The following MCF2L2 variants were observed in gnomAD, a reference collection of about 807,000 sequenced individuals.
The protein encoded by MCF2L2 is MCF.2 cell line derived transforming sequence-like 2.
MCF2L2 carries 102 observed loss-of-function variants against 150.2 expected under a neutral mutation model. That is an observed-to-expected ratio of 0.68 (90% CI 0.58 to 0.80). The LOEUF (loss-of-function observed/expected upper bound fraction) is 0.80, where lower values mean the gene tolerates loss of function less well. MCF2L2 is among the 30% of genes least tolerant of loss of function. The pLI, the probability that MCF2L2 is intolerant of heterozygous loss-of-function variation, is 0.00. For synonymous variants in MCF2L2, 465 were observed against 491.3 expected (o/e 0.95, Z 0.71); for missense variants, 1,256 against 1,372.8 (o/e 0.91, Z 1.34).
At chr3:183,351,234 A>ATATATATTTATT (rs1553786140) in intron 3 of MCF2L2, among the ~76,000 whole-genome samples, 3 of 60,450 alleles carry the variant, frequency 5.0e-5, no homozygotes, top group Non-Finnish European at 5.8e-5. Flanking sequence ...ATATATATAT[A>ATATATATTTATT]TATTTATTTA....
At chr3:183,335,861 T>C (rs4859110) in intron 5 of MCF2L2, among the ~76,000 whole-genome samples, 39,205 of 151,712 alleles carry the variant, frequency 0.26, 7,241 homozygotes, top group African/African-American at 0.52. Context: ...ACCCCATCTC[T>C]AAAATCAAAA....
intron 1 of MCF2L2, among the ~76,000 whole-genome samples, chr3:183,396,069 T>C (rs1207372533): frequency 6.7e-6 from 1 of 150,224 alleles, no homozygotes; most frequent in Non-Finnish European, 1.5e-5. Flanking sequence ...CATGAACATA[T>C]GTATTAAAGA....
At chr3:183,351,181 T>G (rs1731100034) in intron 3 of MCF2L2, among the ~76,000 whole-genome samples, 1 of 132,542 alleles carries the variant, frequency 7.5e-6, no homozygotes, top group Non-Finnish European at 1.6e-5. Context: ...GTGATATTTA[T>G]TTTCTTAAGT....
chr3:183,277,649 T>C (rs975092751), intron 14 of MCF2L2, among the ~76,000 whole-genome samples: 1 of 151,192 alleles, frequency 6.6e-6, no homozygotes, highest in African/African-American at 2.4e-5. Flanking sequence ...GGCAATCTTA[T>C]ATTCCAAATA....
Position 183,179,659 on chromosome 3 carries a change from C to T in MCF2L2, c.3139G>A (p.Glu1047Lys), listed in dbSNP as rs1398546010. The T allele has an allele frequency of 1.2e-6, 2 of 1,614,118 alleles. No homozygotes were observed. The highest frequency in any genetic ancestry group is 8.5e-7 in the Non-Finnish European group (1 of 1,179,982). The change falls in exon 29 of 30, where the codon GAA becomes AAA. Residue 1047 changes from glutamate (E) to lysine (K), a missense_variant. Glu to Lys is a moderately conservative substitution (Grantham distance 56, BLOSUM62 1). Transcript: ENST00000328913. This position sits in a 1 kb window ranked among gnomAD's most constrained non-coding sequence, Gnocchi z 4.2. ...AGLFQSDDSH[E>K]TCSSKSAFLE... The stretch of plus-strand genomic sequence containing the variant: ...AAAGCAGATTTGGAGGAACAGGTTT[C>T]GTGACTGTCGTCCGACTGGAAAAGG...
chr3:183,313,588 G>C (rs984491329), intron 7 of MCF2L2, among the ~76,000 whole-genome samples: 3 of 152,156 alleles, frequency 2.0e-5, no homozygotes, highest in Non-Finnish European at 2.9e-5. Context: ...GAGCAACTAC[G>C]GTACTTGGAA....
At chr3:183,284,923 G>A (rs905539299) in intron 14 of MCF2L2, among the ~76,000 whole-genome samples, 1 of 152,168 alleles carries the variant, frequency 6.6e-6, no homozygotes, top group African/African-American at 2.4e-5. Flanking sequence ...CTCTGACACT[G>A]ACTAGACTTC....
intron 3 of MCF2L2, among the ~76,000 whole-genome samples, chr3:183,370,373 G>A (rs1178571981): frequency 1.3e-5 from 2 of 152,256 alleles, no homozygotes; most frequent in Non-Finnish European, 2.9e-5. Context: ...GTGGGGCATC[G>A]GGCAAGGCCC....
At chr3:183,307,472 T>C (rs1333643368) in intron 10 of MCF2L2, among the ~76,000 whole-genome samples, 1 of 152,170 alleles carries the variant, frequency 6.6e-6, no homozygotes, top group East Asian at 1.9e-4. Flanking sequence ...GATCTGCAAG[T>C]CATAGGATGT....
chr3:183,288,508 G>A (rs1379415794), intron 14 of MCF2L2, among the ~76,000 whole-genome samples: 2 of 140,578 alleles, frequency 1.4e-5, no homozygotes, highest in South Asian at 2.2e-4. Flanking sequence ...TTGAGACATA[G>A]TTTCGCTCTG....
chr3:183,371,786 G>C (rs1712901111), intron 3 of MCF2L2, among the ~76,000 whole-genome samples: 1 of 151,846 alleles, frequency 6.6e-6, no homozygotes, highest in Admixed American at 6.6e-5. Context: ...CCTCTGATTA[G>C]CCTTTTACAC....
In MCF2L2 at chr3:183,179,478, G is replaced by A. The variant is rs750149922; in HGVS notation, c.3247C>T (p.Arg1083Cys). ...AGCCGGCCCGTGGACGCCCCAGCGCGCTCCTCCTCGGTGCTGCGGGTCGCC... is the reference window on the plus strand; with the variant it reads ...AGCCGGCCCGTGGACGCCCCAGCGCACTCCTCCTCGGTGCTGCGGGTCGCC... ...ETATRSTEEERAGASTGRLAP... is the reference protein window; with the variant it reads ...ETATRSTEEECAGASTGRLAP... The change falls in exon 30 of 30, where the codon CGC becomes TGC. Residue 1083 changes from arginine (R) to cysteine (C), a missense_variant. Physicochemically the swap from Arg to Cys is radical, Grantham distance 180. Transcript: ENST00000328913. This position sits in a 1 kb window ranked among gnomAD's most constrained non-coding sequence, Gnocchi z 4.2. 6.2e-7 allele frequency: 1 copy of A among 1,604,808 alleles called. No individual in the cohort carries two copies. The highest frequency in any genetic ancestry group is 1.3e-5 in the African/African-American group (1 of 74,762).
intron 13 of MCF2L2, among the ~76,000 whole-genome samples, chr3:183,292,083 G>T (rs1273117535): frequency 6.8e-6 from 1 of 146,944 alleles, no homozygotes. Flanking sequence ...GTGTATGTGT[G>T]TGGATGTGTG....
At chr3:183,349,452 T>C (rs1731026455) in intron 3 of MCF2L2, among the ~76,000 whole-genome samples, 1 of 152,130 alleles carries the variant, frequency 6.6e-6, no homozygotes, top group African/African-American at 2.4e-5. Context: ...GATTCATAGG[T>C]TATATAGAGG....
At chr3:183,414,234 A>T (rs1577137202) in intron 1 of MCF2L2, among the ~76,000 whole-genome samples, 1 of 152,178 alleles carries the variant, frequency 6.6e-6, no homozygotes, top group African/African-American at 2.4e-5. Flanking sequence ...GTAAGTTTTT[A>T]AAAAATTACT....
intron 7 of MCF2L2, 88 bp downstream of exon 7, chr3:183,317,980 A>C: frequency 1.3e-6 from 2 of 1,494,556 alleles, no homozygotes; most frequent in Non-Finnish European, 1.8e-6. Context: ...CGAGGGCTTA[A>C]CTGTTAATTC....
At chr3:183,234,673 G>C (rs1367133099) in intron 15 of MCF2L2, among the ~76,000 whole-genome samples, 2 of 134,102 alleles carry the variant, frequency 1.5e-5, no homozygotes, top group Admixed American at 1.5e-4. Context: ...TAAAATAGGA[G>C]AAAATGTATG....
intron 4 of MCF2L2, 38 bp downstream of exon 4, chr3:183,341,502 A>G (rs2108541598): frequency 6.8e-7 from 1 of 1,461,670 alleles, no homozygotes; most frequent in South Asian, 1.1e-5. Context: ...GACAATTTAA[A>G]TGACTTTTAT....
intron 6 of MCF2L2, among the ~76,000 whole-genome samples, chr3:183,321,514 T>C (rs1729814484): frequency 2.0e-5 from 3 of 151,394 alleles, no homozygotes; most frequent in African/African-American, 7.3e-5. Context: ...ATTGCAAGAA[T>C]TGCAAAAATT....
Sources: allele counts gnomAD v4.1 joint callset (sites outside exome capture counted in the v4.1 genomes callset), GRCh38; gene constraint gnomAD v4.1.1; non-coding constraint Gnocchi (gnomAD v3.1); transcripts MANE v1.5; gene names NCBI Gene and HGNC (gene_info 2026-07-23, HGNC 2026-07-21).